Variants in PKHD1 observed in about 807,000 individuals in gnomAD.
PKHD1 encodes PKHD1 ciliary IPT domain containing fibrocystin/polyductin, also known as fibrocystin.
Under a neutral mutation model 412.0 loss-of-function variants are expected in PKHD1, and 291 were observed. The observed-to-expected ratio is 0.71, with a 90% CI of 0.64 to 0.78. PKHD1 has a LOEUF of 0.78. Ranked by LOEUF, PKHD1 falls within the 30% of genes least tolerant of loss-of-function variation. PKHD1 has a pLI of 0.00. For synonymous variants in PKHD1, 1,777 were observed against 1,821.5 expected (o/e 0.98, Z 0.62); for missense variants, 4,825 against 4,950.7 (o/e 0.97, Z 0.76).
rs151272728 is a variant in PKHD1, at chr6:51,655,251, C to A, written c.11174+3701G>T. ...CTTCCTTGCTGATAGAAAGATTCTA[C>A]TCTTTCATGCTCCAAACAGCTCTCT... On this transcript the variant is annotated intron_variant, in intron 61 of 66. Transcript: ENST00000371117. Among the ~76,000 whole-genome samples the A allele has an allele frequency of 2.4e-4, 36 of 152,214 alleles. 1 individual carries two copies. The East Asian group carries it at 4.8e-3, about 20-fold the overall frequency.
At chr6:52,063,816 A>G (rs760172858) in intron 13 of PKHD1, among the ~76,000 whole-genome samples, 2 of 152,222 alleles carry the variant, frequency 1.3e-5, no homozygotes, top group Non-Finnish European at 2.9e-5. Context: ...ATTGGTTTCC[A>G]TAGTAATTCG....
At chr6:51,663,584 A>C (rs1228061024) in intron 60 of PKHD1, among the ~76,000 whole-genome samples, 1 of 152,148 alleles carries the variant, frequency 6.6e-6, no homozygotes, top group Non-Finnish European at 1.5e-5. Flanking sequence ...TACCTCAAGC[A>C]CAGTAGATGC....
chr6:52,086,111 G>A (rs1812748555), intron 1 of PKHD1, among the ~76,000 whole-genome samples: 1 of 147,766 alleles, frequency 6.8e-6, no homozygotes. Flanking sequence ...CACAAAGTGT[G>A]TGTGTATGTG....
At chr6:51,752,437 A>G (rs1302176854) in intron 57 of PKHD1, among the ~76,000 whole-genome samples, 1 of 152,234 alleles carries the variant, frequency 6.6e-6, no homozygotes, top group Non-Finnish European at 1.5e-5. Flanking sequence ...TTGCTCTATT[A>G]ACTAGAAATC....
At chr6:51,880,977 A>T (rs1777228695) in intron 46 of PKHD1, among the ~76,000 whole-genome samples, 1 of 150,916 alleles carries the variant, frequency 6.6e-6, no homozygotes, top group Non-Finnish European at 1.5e-5. Flanking sequence ...AAAAAAAAAA[A>T]AAGAAAGTGT....
At chr6:51,707,603 T>A (rs1007079927) in intron 60 of PKHD1, among the ~76,000 whole-genome samples, 7 of 152,136 alleles carry the variant, frequency 4.6e-5, no homozygotes, top group African/African-American at 1.4e-4. Flanking sequence ...CAACCTTTCA[T>A]ACTTGCTAGA....
chr6:51,688,904 G>A (rs372948101), intron 60 of PKHD1, among the ~76,000 whole-genome samples: 10 of 152,106 alleles, frequency 6.6e-5, no homozygotes, highest in South Asian at 6.2e-4. Context: ...ATTCACAGCC[G>A]AATTCTACCA....
intron 56 of PKHD1, among the ~76,000 whole-genome samples, chr6:51,754,444 AG>A (rs1786626549): frequency 6.6e-6 from 1 of 152,214 alleles, no homozygotes; most frequent in African/African-American, 2.4e-5. Context: ...CTGGAAACTC[AG>A]TGCCCATAAG....
At chr6:51,982,114 C>G (rs1322205096) in intron 35 of PKHD1, among the ~76,000 whole-genome samples, 1 of 58,868 alleles carries the variant, frequency 1.7e-5, no homozygotes, top group Non-Finnish European at 4.2e-5. Context: ...GGAGCCCCTC[C>G]GTCCGGCAGC....
intron 55 of PKHD1, among the ~76,000 whole-genome samples, chr6:51,769,498 G>C (rs1789692136): frequency 6.6e-6 from 1 of 151,230 alleles, no homozygotes; most frequent in Non-Finnish European, 1.5e-5. Flanking sequence ...CATTTGAACT[G>C]TCATTTCTCA....
chr6:51,801,221 A>G lies in PKHD1; in HGVS notation c.8303-9848T>C, dbSNP rs1252507248. On this transcript the variant is annotated intron_variant, in intron 52 of 66. Transcript: ENST00000371117. ...ATCATAATTTATAAAGATGAATGATAACATCCAAGAAAAGTATTCCTAAAA... is the reference window on the plus strand; with the variant it reads ...ATCATAATTTATAAAGATGAATGATGACATCCAAGAAAAGTATTCCTAAAA... 2.0e-5 allele frequency among the ~76,000 whole-genome samples: 3 copies of G among 152,200 alleles called. No homozygotes were observed. The East Asian group carries it at 5.8e-4, about 29-fold the overall frequency.
At chr6:51,720,947 C>T in intron 60 of PKHD1, 1 of 977,226 alleles carries the variant, frequency 1.0e-6, no homozygotes, top group Non-Finnish European at 1.2e-6. Context: ...GAGTAAATGT[C>T]ACATTGACTT....
intron 53 of PKHD1, among the ~76,000 whole-genome samples, 175 bp from the exon 54 acceptor site, chr6:51,776,096 C>A (rs1318027423): frequency 6.6e-6 from 1 of 151,896 alleles, no homozygotes; most frequent in Non-Finnish European, 1.5e-5. Flanking sequence ...CAGTAAACTT[C>A]TTTGAAGGAG....
chr6:52,012,472 C>T (rs901838551), intron 34 of PKHD1, among the ~76,000 whole-genome samples: 10 of 152,326 alleles, frequency 6.6e-5, no homozygotes, highest in Admixed American at 5.9e-4. Context: ...GCTGATCCTT[C>T]GTCCACAGGG....
chr6:51,709,948 C>T (rs1780459343), intron 60 of PKHD1, among the ~76,000 whole-genome samples: 1 of 151,178 alleles, frequency 6.6e-6, no homozygotes, highest in Admixed American at 6.6e-5. Flanking sequence ...GTGGCTCATG[C>T]CTGTAATCCC....
rs192319745 is a variant in PKHD1, at chr6:51,942,554, C to T, written c.5909-8232G>A. On this transcript the variant is annotated intron_variant, in intron 36 of 66. Coordinates refer to ENST00000371117, the MANE Select transcript of PKHD1 (RefSeq NM_138694.4). ...CCCGCAATTACCACTGTTCCTGGCCCGGACTTCAATCCGGCCTCCCACATT... is the reference window on the plus strand; with the variant it reads ...CCCGCAATTACCACTGTTCCTGGCCTGGACTTCAATCCGGCCTCCCACATT... 1.3e-3 allele frequency among the ~76,000 whole-genome samples: 202 copies of T among 151,620 alleles called. 5 individuals are homozygous for T. Among genetic ancestry groups the T allele is most frequent in the African/African-American group, 4.7e-3 (193 of 41,484 alleles).
intron 60 of PKHD1, among the ~76,000 whole-genome samples, chr6:51,682,508 A>G (rs1390988651): frequency 6.6e-6 from 1 of 152,084 alleles, no homozygotes; most frequent in Non-Finnish European, 1.5e-5. Context: ...GGGATGCTCT[A>G]GTCTCTGAGA....
intron 35 of PKHD1, among the ~76,000 whole-genome samples, chr6:51,979,904 A>G (rs1432293010): frequency 1.3e-5 from 2 of 152,168 alleles, no homozygotes; most frequent in Admixed American, 1.3e-4. Flanking sequence ...TCTCTCCAGA[A>G]TGATCTTCTT....
rs992166276 is a variant in PKHD1, at chr6:51,617,812, A to G, written c.*1269T>C. ...ATCATTATTTAGAATTCAGCAATGA[A>G]AGAGTGTGTTTCCTTTCTCTCTTCC... is the stretch of plus-strand genomic sequence containing the variant. On this transcript the variant is annotated 3_prime_UTR_variant, in exon 67 of 67. Coordinates refer to ENST00000371117, the MANE Select transcript of PKHD1 (RefSeq NM_138694.4). 2.0e-5 allele frequency: 3 copies of G among 152,202 alleles called. No individual in the cohort carries two copies. The highest frequency in any genetic ancestry group is 4.4e-5 in the Non-Finnish European group (3 of 68,044). The allele number at this position is 152,202 out of a possible 1,614,324, so 9.4% of individuals were successfully genotyped here.
Sources: gnomAD v4.1 joint callset for allele counts (sites outside exome capture counted in the v4.1 genomes callset) on GRCh38, gnomAD v4.1.1 for gene constraint, MANE v1.5 for transcripts, NCBI Gene and HGNC (gene_info 2026-07-23, HGNC 2026-07-21) for gene names.